Variants in ANKMY1 observed in about 807,000 individuals in gnomAD.
ANKMY1 encodes ankyrin repeat and MYND domain containing 1.
In ANKMY1, 98 loss-of-function variants were observed where a neutral mutation model predicts 102.0. The ratio of observed to expected loss-of-function variants is 0.96; its 90% CI spans 0.82 to 1.14. The LOEUF is 1.14. Ranked by LOEUF, ANKMY1 falls within the 50% of genes most tolerant of loss-of-function variation. The pLI is 0.00. For synonymous variants in ANKMY1, 582 were observed against 559.9 expected, an observed-to-expected ratio of 1.04 and a Z score of -0.56; for missense variants, 1,330 against 1,347.6, an observed-to-expected ratio of 0.99 and a Z score of 0.20.
chr2:240,541,107 T>C (rs1229998975), intron 4 of ANKMY1, among the ~76,000 whole-genome samples: 1 of 152,214 alleles, frequency 6.6e-6, no homozygotes, highest in African/African-American at 2.4e-5. Flanking sequence ...GCACCCCAAC[T>C]GTTTCAGTAT....
At chr2:240,486,710 CACCAT>C (rs1012337788) in intron 15 of ANKMY1, among the ~76,000 whole-genome samples, 2 of 152,142 alleles carry the variant, frequency 1.3e-5, no homozygotes, top group African/African-American at 4.8e-5. Flanking sequence ...GACTGGGTCT[CACCAT>C]GTTGCCCAGG....
chr2:240,475,547 G>C (rs893668888), downstream of ANKMY1, among the ~76,000 whole-genome samples: 1 of 151,612 alleles, frequency 6.6e-6, no homozygotes, highest in Non-Finnish European at 1.5e-5. Flanking sequence ...AAAATACTTA[G>C]CAATAAATTT....
chr2:240,500,363 C>A, intron 14 of ANKMY1, 89 bp downstream of exon 14: 4 of 1,390,086 alleles, frequency 2.9e-6, no homozygotes, highest in Non-Finnish European at 4.0e-6. Flanking sequence ...TTGAGCCCAG[C>A]TTTGCCCCAG....
chr2:240,544,499 G>A (rs910661406), intron 4 of ANKMY1, among the ~76,000 whole-genome samples: 1 of 152,218 alleles, frequency 6.6e-6, no homozygotes, highest in African/African-American at 2.4e-5. Flanking sequence ...CTTGGGGGGG[G>A]AGGAGCCAAG....
chr2:240,557,145 G>A (rs371319010), intron 2 of ANKMY1, 45 bp downstream of exon 2: 18 of 1,401,464 alleles, frequency 1.3e-5, no homozygotes, highest in Non-Finnish European at 1.6e-5. Context: ...CTAACCCTGG[G>A]CCCCAGGTCA....
In ANKMY1 at chr2:240,526,408, T is replaced by C; in HGVS notation, c.991A>G (p.Ile331Val). 6.2e-7 allele frequency: 1 copy of C among 1,614,086 alleles called. No individual in the cohort carries two copies. Among genetic ancestry groups the C allele is most frequent in the East Asian group, 2.2e-5 (1 of 44,900 alleles). Residue 331 changes from isoleucine to valine, a missense_variant, in exon 6 of 18, where the codon ATC becomes GTC. By Grantham distance (29) the Ile-to-Val change is conservative. Transcript: ENST00000401804. ...AAGCCACTGCGCTTCCCCTCCAGGA[T>C]GGCGCCCATGTTCCAGCTGGTGTGA... Reference protein sequence around the residue: ...PAHTSWNMGAILEGKRSGFAP... With the variant: ...PAHTSWNMGAVLEGKRSGFAP...
intron 9 of ANKMY1, among the ~76,000 whole-genome samples, chr2:240,518,688 G>T (rs2081599583): frequency 6.6e-6 from 1 of 152,144 alleles, no homozygotes; most frequent in African/African-American, 2.4e-5. Context: ...ATACATTCCT[G>T]ATCAGCTATG....
At chr2:240,556,203 AAAAGGGCTTGTGG>A (rs754260340) in intron 2 of ANKMY1, among the ~76,000 whole-genome samples, 18 of 151,942 alleles carry the variant, frequency 1.2e-4, no homozygotes, top group Non-Finnish European at 1.6e-4. Flanking sequence ...GGCTTGTGGG[AAAAGGGCTTGTGG>A]GGTGCCTGCA....
At chr2:240,503,369 T>A (rs575002939) in intron 13 of ANKMY1, among the ~76,000 whole-genome samples, 1 of 152,328 alleles carries the variant, frequency 6.6e-6, no homozygotes, top group South Asian at 2.1e-4. Flanking sequence ...CCCTGGCTGA[T>A]GAAAGCTCCT....
downstream of ANKMY1, among the ~76,000 whole-genome samples, chr2:240,477,454 T>G (rs2074931409): frequency 6.6e-6 from 1 of 152,270 alleles, no homozygotes; most frequent in Non-Finnish European, 1.5e-5. Flanking sequence ...CAGAGCACAG[T>G]GGTGCCATCA....
At chr2:240,485,579 ATCT>A (rs2075957925) in intron 15 of ANKMY1, among the ~76,000 whole-genome samples, 4 of 147,208 alleles carry the variant, frequency 2.7e-5, no homozygotes, top group South Asian at 4.2e-4. Flanking sequence ...TACCACATGA[ATCT>A]TCTTTTTTTT....
chr2:240,526,147 G>C (rs531798103), intron 6 of ANKMY1, 82 bp downstream of exon 6: 1 of 1,515,872 alleles, frequency 6.6e-7, no homozygotes, highest in Non-Finnish European at 9.1e-7. Context: ...CTCCTGCAGA[G>C]GGGGCCACAG....
intron 15 of ANKMY1, among the ~76,000 whole-genome samples, chr2:240,487,172 G>A (rs878904686): frequency 6.6e-6 from 1 of 151,794 alleles, no homozygotes; most frequent in Admixed American, 6.6e-5. Flanking sequence ...TATTTTTCTA[G>A]TCTCTACCTC....
chr2:240,474,603 G>T (rs1466540719), downstream of ANKMY1, among the ~76,000 whole-genome samples: 1 of 151,992 alleles, frequency 6.6e-6, no homozygotes, highest in African/African-American at 2.4e-5. Context: ...AGTGTCTGTT[G>T]TTCCCCTTTT....
chr2:240,469,690 A>G, the ANKMY1 span, among the ~76,000 whole-genome samples: 1 of 123,728 alleles, frequency 8.1e-6, no homozygotes, highest in Admixed American at 7.6e-5. Flanking sequence ...ACAAACGAAC[A>G]CATACAACAC....
At chr2:240,512,721 C>A in intron 10 of ANKMY1, 81 bp downstream of exon 10, 1 of 1,469,764 alleles carries the variant, frequency 6.8e-7, no homozygotes, top group South Asian at 1.4e-5. Context: ...TCGGCAAGCA[C>A]AGGCTAGGCA....
the ANKMY1 span, among the ~76,000 whole-genome samples, chr2:240,470,428 C>T: frequency 6.6e-6 from 1 of 152,242 alleles, no homozygotes; most frequent in East Asian, 1.9e-4. Flanking sequence ...GAGCCGGAGG[C>T]AGTCACTGCC....
chr2:240,527,623 T>C (rs2083982050), intron 5 of ANKMY1: 1 of 150,286 alleles, frequency 6.7e-6, no homozygotes, highest in Admixed American at 6.6e-5. Flanking sequence ...GGATGTTAAG[T>C]GGGTGGACTG....
At chr2:240,493,537 G>A (rs1175879768) in intron 15 of ANKMY1, among the ~76,000 whole-genome samples, 2 of 151,970 alleles carry the variant, frequency 1.3e-5, no homozygotes, top group African/African-American at 2.4e-5. Context: ...AGGGTACTTT[G>A]GCTTTGCTTC....
Sources: gnomAD v4.1 joint callset for allele counts (sites outside exome capture counted in the v4.1 genomes callset) on GRCh38, gnomAD v4.1.1 for gene constraint, MANE v1.5 for transcripts, NCBI Gene and HGNC (gene_info 2026-07-23, HGNC 2026-07-21) for gene names.